Variants in ALDH1L2 observed in about 807,000 individuals in gnomAD.
ALDH1L2 encodes the protein mitochondrial 10-formyltetrahydrofolate dehydrogenase.
Under a neutral mutation model 111.0 loss-of-function variants are expected in ALDH1L2, and 91 were observed. The observed-to-expected ratio is 0.82, with a 90% CI of 0.69 to 0.98. The LOEUF (loss-of-function observed/expected upper bound fraction) is 0.98. ALDH1L2 is among the 50% of genes least tolerant of loss of function. ALDH1L2 has a pLI of 0.00. For missense variants in ALDH1L2, 995 were observed against 1,126.8 expected (o/e 0.88, Z 1.67); for synonymous variants, 374 against 392.6 (o/e 0.95, Z 0.56).
Position 105,084,414 on chromosome 12 carries a change from G to T in ALDH1L2, c.23C>A (p.Ala8Glu). 1 of 1,494,172 alleles carries T rather than the reference G, an allele frequency of 6.7e-7. No homozygotes were observed. 92.6% of individuals were successfully genotyped at this position (1,494,172 alleles called of 1,614,324 possible). MLRRGSQ[A>E]LRRFSTGRVY... The stretch of plus-strand genomic sequence containing the variant: ...CCGGCCAGTGGAGAAGCGCCGGAGC[G>T]CCTGGCTGCCCCGCCGCAGCATGCT... Residue 8 changes from alanine (A) to glutamate (E), a missense_variant, in exon 1 of 23, where the codon GCG (alanine) becomes GAG (glutamate). By Grantham distance (107) the Ala-to-Glu change is moderately radical. Transcript: ENST00000258494.
intron 5 of ALDH1L2, 144 bp from the exon 6 acceptor site, chr12:105,065,500 ATTTTG>A: frequency 1.6e-6 from 1 of 609,528 alleles, no homozygotes. Context: ...TGGAGTAAGT[ATTTTG>A]TCAGGTGGCT....
At position 105,083,207 on chromosome 12, in the gene ALDH1L2, T is replaced by C. The variant is rs955589736; in HGVS notation, c.48+1182A>G. Among the ~76,000 whole-genome samples the C allele has an allele frequency of 3.3e-5, 5 of 152,348 alleles. No homozygotes were observed. The South Asian group carries it at 8.3e-4, about 25-fold the overall frequency. ...GAGGCCAACAAAACAGGCTCAGGCA[T>C]TGGGCACAGCCCGTTGCTTTCTGTG... On this transcript the variant is annotated intron_variant, in intron 1 of 22. Transcript: ENST00000258494.
intron 19 of ALDH1L2, among the ~76,000 whole-genome samples, chr12:105,032,492 G>A (rs570464820): frequency 6.6e-6 from 1 of 152,176 alleles, no homozygotes; most frequent in Admixed American, 6.5e-5. Flanking sequence ...ACCCGCATCA[G>A]CCTCCCAAAG....
chr12:105,052,356 T>C, intron 11 of ALDH1L2, 139 bp from the exon 12 acceptor site: 1 of 856,568 alleles, frequency 1.2e-6, no homozygotes, highest in Non-Finnish European at 1.6e-6. Context: ...TATCTAGTAC[T>C]ACAGTAAAGA....
rs556684524 is a variant in ALDH1L2 at position 105,042,330 on chromosome 12, G to A, written c.1864-1636C>T. The stretch of plus-strand genomic sequence containing the variant: ...TGCTTAATCCTAAAACATAGAGAAA[G>A]TAATTTGAGAATTGTTAAGCCATGT... On this transcript the variant is annotated intron_variant, in intron 15 of 22. Coordinates refer to ENST00000258494, the MANE Select transcript of ALDH1L2 (RefSeq NM_001034173.4). Among the ~76,000 whole-genome samples, 88 of 152,250 alleles carry A rather than the reference G, an allele frequency of 5.8e-4. 2 individuals carry two copies. In the South Asian group the frequency reaches 0.016, roughly 27 times the overall value.
At position 105,024,128 on chromosome 12, in the gene ALDH1L2, A is replaced by T; in HGVS notation, c.*296T>A. 6.1e-6 allele frequency: 3 copies of T among 493,644 alleles called. No individual in the cohort carries two copies. Among genetic ancestry groups the T allele is most frequent in the Non-Finnish European group, 1.1e-5 (3 of 274,218 alleles). The allele number at this position is 493,644 out of a possible 1,614,324, so 30.6% of individuals were successfully genotyped here. ...TAACTGCATGGTACTGACATCTTCA[A>T]GATGGGAACCATGAATAGATTTGTC... On this transcript the variant is annotated 3_prime_UTR_variant, in exon 23 of 23. Coordinates refer to ENST00000258494, the MANE Select transcript of ALDH1L2 (RefSeq NM_001034173.4).
intron 9 of ALDH1L2, 105 bp from the exon 10 acceptor site, chr12:105,058,325 A>T (rs888092742): frequency 1.8e-6 from 2 of 1,140,994 alleles, no homozygotes; most frequent in African/African-American, 3.1e-5. Flanking sequence ...CTTACATCAC[A>T]TGCCTATTTA....
At chr12:105,038,260 TCA>T (rs1239712006) in intron 17 of ALDH1L2, 58 bp from the exon 18 acceptor site, 208 of 583,612 alleles carry the variant, frequency 3.6e-4, no homozygotes, top group Admixed American at 7.0e-4. Flanking sequence ...TCTCTCTCTC[TCA>T]CACACACACA....
Position 105,026,621 on chromosome 12 carries a change from A to G in ALDH1L2, c.2640T>C (p.Phe880=), listed in dbSNP as rs776116469. Residue 880 remains phenylalanine, a synonymous_variant, in exon 22 of 23, where the codon TTT becomes TTC. Transcript: ENST00000258494. ...VSEKLEAGTV[F]INTYNKTDVA... is the part of the protein sequence containing the mutation. ...CATCTGTCTTGTTGTATGTGTTAATAAAAACAGTTCCTGCTTCCAGTTTTT... is the reference window on the plus strand; with the variant it reads ...CATCTGTCTTGTTGTATGTGTTAATGAAAACAGTTCCTGCTTCCAGTTTTT... 1.2e-6 allele frequency: 2 copies of G among 1,614,172 alleles called. No homozygotes were observed. The highest frequency in any genetic ancestry group is 2.2e-5 in the East Asian group (1 of 44,874).
At chr12:105,036,160 A>ATATT (rs1399090147) in intron 18 of ALDH1L2, among the ~76,000 whole-genome samples, 15 of 44,188 alleles carry the variant, frequency 3.4e-4, no homozygotes, top group Non-Finnish European at 3.6e-4. Flanking sequence ...ATGTGTATAT[A>ATATT]ATATATACAC....
intron 10 of ALDH1L2, among the ~76,000 whole-genome samples, chr12:105,053,743 T>C (rs1480806049): frequency 6.6e-6 from 1 of 152,114 alleles, no homozygotes; most frequent in Non-Finnish European, 1.5e-5. Flanking sequence ...GTGTTCAGTG[T>C]CTGCAAACAG....
rs1380857426 is a variant in ALDH1L2, at chr12:105,067,278, CAG to C, written c.595-611_595-610del. On this transcript the variant is annotated intron_variant, in intron 4 of 22. Coordinates refer to ENST00000258494, the MANE Select transcript of ALDH1L2 (RefSeq NM_001034173.4). ...GAGCTAAGCAATTGGCTGAAGATCA[CAG>C]AGAGAGCTTGTAGGTGTCAGAAACA... Among the ~76,000 whole-genome samples, 12 of 150,898 alleles carry C rather than the reference CAG, an allele frequency of 8.0e-5. 1 individual carries two copies. The highest frequency in any genetic ancestry group is 1.3e-4 in the Admixed American group (2 of 15,176).
intron 2 of ALDH1L2, among the ~76,000 whole-genome samples, chr12:105,073,209 GA>G (rs1429516692): frequency 2.6e-5 from 4 of 152,222 alleles, no homozygotes; most frequent in African/African-American, 9.6e-5. Context: ...CCGCTGAACT[GA>G]GGCTTAGTAA....
At chr12:105,063,241 C>T (rs1288304831) in intron 6 of ALDH1L2, among the ~76,000 whole-genome samples, 1 of 152,158 alleles carries the variant, frequency 6.6e-6, no homozygotes, top group Non-Finnish European at 1.5e-5. Context: ...CTTTGGGAGG[C>T]AGAGGCAGGC....
chr12:105,028,047 A>C (rs1874505189), intron 21 of ALDH1L2, among the ~76,000 whole-genome samples: 1 of 152,166 alleles, frequency 6.6e-6, no homozygotes, highest in Non-Finnish European at 1.5e-5. Flanking sequence ...TTCTAGTGTG[A>C]TCCTAATGCT....
chr12:105,031,688 C>A lies in ALDH1L2; in HGVS notation c.2410+81G>T, dbSNP rs532685903. 151 of 1,528,424 alleles carry A rather than the reference C, an allele frequency of 9.9e-5. No homozygotes were observed. In the African/African-American group the frequency reaches 1.7e-3, roughly 17 times the overall value. 94.7% of individuals were successfully genotyped at this position (1,528,424 alleles called of 1,614,324 possible). On this transcript the variant is annotated intron_variant, in intron 20 of 22. Transcript: ENST00000258494. ...TAGAGATGAAGTTTCACCATGTTGGCCAGGCTGGTCTTAAACTGTCGCTGT... is the reference window on the plus strand; with the variant it reads ...TAGAGATGAAGTTTCACCATGTTGGACAGGCTGGTCTTAAACTGTCGCTGT...
intron 15 of ALDH1L2, among the ~76,000 whole-genome samples, chr12:105,046,472 T>C (rs1875923763): frequency 6.6e-6 from 1 of 151,864 alleles, no homozygotes; most frequent in Non-Finnish European, 1.5e-5. Context: ...TGGACTTCAC[T>C]GATGTGCACC....
intron 15 of ALDH1L2, among the ~76,000 whole-genome samples, chr12:105,046,301 A>G (rs1484271874): frequency 1.5e-5 from 2 of 136,142 alleles, no homozygotes; most frequent in East Asian, 4.4e-4. Flanking sequence ...CAGTGGCACG[A>G]TCTCGGCTCA....
Position 105,073,924 on chromosome 12 carries a change from C to G in ALDH1L2, c.130G>C (p.Glu44Gln), listed in dbSNP as rs1171033238. 1 of 1,614,066 alleles carries G rather than the reference C, an allele frequency of 6.2e-7. No homozygotes were observed. The highest frequency in any genetic ancestry group is 2.2e-5 in the East Asian group (1 of 44,884). The part of the protein sequence containing the change: ...GQEVYSHLRK[E>Q]GHRVVGVFTV... ...AACACCCCTACTACTCGGTGGCCCT[C>G]TTTGCGGAGGTGGCTATAGACTTCT... The change falls in exon 2 of 23, where the codon GAG (glutamate) becomes CAG (glutamine). Residue 44 changes from glutamate to glutamine, a missense_variant. By Grantham distance (29) the Glu-to-Gln change is conservative. Transcript: ENST00000258494.
Sources: gnomAD v4.1 joint callset for allele counts (sites outside exome capture counted in the v4.1 genomes callset) on GRCh38, gnomAD v4.1.1 for gene constraint, MANE v1.5 for transcripts, NCBI Gene and HGNC (gene_info 2026-07-23, HGNC 2026-07-21) for gene names.